The following ITGA11 variants were observed in gnomAD, a reference collection of about 807,000 sequenced individuals.
The protein encoded by ITGA11 is integrin subunit alpha 11, also known as integrin alpha-11.
Under a neutral mutation model 141.9 loss-of-function variants are expected in ITGA11, and 97 were observed. The observed-to-expected ratio is 0.68, with a 90% CI of 0.58 to 0.81. The LOEUF is 0.81. Ranked by LOEUF, ITGA11 falls within the 30% of genes least tolerant of loss-of-function variation. ITGA11 has a pLI of 0.00. For synonymous variants in ITGA11, 658 were observed against 624.6 expected, an observed-to-expected ratio of 1.05 and a Z score of -0.80; for missense variants, 1,387 against 1,559.2, an observed-to-expected ratio of 0.89 and a Z score of 1.86.
intron 4 of ITGA11, 59 bp from the exon 5 acceptor site, chr15:68,361,763 C>A: frequency 1.6e-6 from 2 of 1,230,866 alleles, no homozygotes; most frequent in South Asian, 1.3e-5. Context: ...GATCGAGGTC[C>A]AATGGCCTGA....
At chr15:68,362,828 A>T (rs2140350800) in intron 4 of ITGA11, among the ~76,000 whole-genome samples, 1 of 152,102 alleles carries the variant, frequency 6.6e-6, no homozygotes, top group Non-Finnish European at 1.5e-5. Flanking sequence ...TGGATGAATT[A>T]GTGGATGGAT....
At chr15:68,315,833 C>T in intron 21 of ITGA11, 106 bp from the exon 22 acceptor site, 1 of 925,558 alleles carries the variant, frequency 1.1e-6, no homozygotes, top group Non-Finnish European at 1.6e-6. Context: ...AGGGAGCTTG[C>T]TGGGGGTTGG....
At chr15:68,422,716 CGGCATCCTGCCCACCAAACCTCAGGCAGT>C (rs993547740) in intron 1 of ITGA11, among the ~76,000 whole-genome samples, 2 of 152,190 alleles carry the variant, frequency 1.3e-5, no homozygotes, top group African/African-American at 4.8e-5. Context: ...GCACACACTC[CGGCATCCTGCCCACCAAACCTCAGGCAGT>C]TTACCCAGGT....
intron 14 of ITGA11, 106 bp downstream of exon 14, chr15:68,331,753 A>G: frequency 1.0e-6 from 1 of 976,328 alleles, no homozygotes; most frequent in Non-Finnish European, 1.6e-6. Flanking sequence ...TTTCTGTGAG[A>G]GGGCCTGGAA....
chr15:68,413,358 T>C (rs898577), intron 1 of ITGA11, among the ~76,000 whole-genome samples: 133,109 of 152,212 alleles, frequency 0.87, 59,031 homozygotes, highest in Non-Finnish European at 0.94. Flanking sequence ...GTCCCCTCTA[T>C]GGCCCTTCAG....
chr15:68,419,330 G>C (rs1465131294), intron 1 of ITGA11, among the ~76,000 whole-genome samples: 1 of 152,196 alleles, frequency 6.6e-6, no homozygotes, highest in Non-Finnish European at 1.5e-5. Context: ...GACTCCATCT[G>C]CCTTTGCTAG....
At chr15:68,352,738 T>C (rs1192744074) in intron 7 of ITGA11, among the ~76,000 whole-genome samples, 1 of 152,228 alleles carries the variant, frequency 6.6e-6, no homozygotes, top group Non-Finnish European at 1.5e-5. Flanking sequence ...TTGTTTTCAG[T>C]GCCCAGAGCA....
intron 10 of ITGA11, 82 bp downstream of exon 10, chr15:68,348,748 C>A: frequency 8.0e-7 from 1 of 1,245,534 alleles, no homozygotes; most frequent in Non-Finnish European, 1.2e-6. Flanking sequence ...AGGTGGATGA[C>A]AGATCCAGAG....
intron 1 of ITGA11, among the ~76,000 whole-genome samples, chr15:68,418,741 C>T (rs1353121079): frequency 6.6e-6 from 1 of 151,846 alleles, no homozygotes; most frequent in Non-Finnish European, 1.5e-5. Context: ...GACAGTGAGT[C>T]CCTCCCTTTC....
chr15:68,341,053 C>G (rs372901821), intron 10 of ITGA11, among the ~76,000 whole-genome samples: 1 of 152,172 alleles, frequency 6.6e-6, no homozygotes, highest in Admixed American at 6.5e-5. Flanking sequence ...AGATTCCCAC[C>G]GCTTTACAGA....
chr15:68,430,048 A>G (rs563510541), intron 1 of ITGA11, among the ~76,000 whole-genome samples: 1 of 152,288 alleles, frequency 6.6e-6, no homozygotes, highest in African/African-American at 2.4e-5. Context: ...CACACACGCT[A>G]GGGCCCCACC....
chr15:68,325,325 T>C lies in ITGA11; in HGVS notation c.2212-84A>G. 1.1e-6 allele frequency: 1 copy of C among 921,910 alleles called. No individual in the cohort carries two copies. The highest frequency in any genetic ancestry group is 1.8e-6 in the Non-Finnish European group (1 of 564,424). 57.1% of individuals were successfully genotyped at this position (921,910 alleles called of 1,614,324 possible). Reference sequence around the variant, plus strand: ...GGACCGTGGATGCTGAGATAGAACTTCCACCTTCCTTAGATGGCAGGGCAG... The same window carrying C: ...GGACCGTGGATGCTGAGATAGAACTCCCACCTTCCTTAGATGGCAGGGCAG... On this transcript the variant is annotated intron_variant, in intron 17 of 29. Transcript: ENST00000315757. This position sits in a 1 kb window ranked among gnomAD's most constrained non-coding sequence, Gnocchi z 5.5.
chr15:68,378,217 G>A (rs1293989310), intron 2 of ITGA11, among the ~76,000 whole-genome samples: 1 of 152,188 alleles, frequency 6.6e-6, no homozygotes, highest in Non-Finnish European at 1.5e-5. Context: ...GGTGGGCCTG[G>A]TATAGATAGA....
chr15:68,315,813 GC>G, intron 21 of ITGA11, 86 bp from the exon 22 acceptor site: 1 of 1,150,922 alleles, frequency 8.7e-7, no homozygotes, highest in Non-Finnish European at 1.2e-6. Context: ...CCCCCTGCTG[GC>G]TTGGGGAGAG....
chr15:68,321,420 G>A lies in ITGA11; in HGVS notation c.2406C>T (p.Ala802=). ...GGGGGTGGAAGGAGCCAACTCACATGGCCGTGGGCAGGTCACTCCGGGCAT... is the reference window on the plus strand; with the variant it reads ...GGGGGTGGAAGGAGCCAACTCACATAGCCGTGGGCAGGTCACTCCGGGCAT... The part of the protein sequence containing the change: ...VLDARSDLPT[A]MEYCQRVLRK... Residue 802 remains alanine (A), a splice_region_variant and synonymous_variant, in exon 19 of 30, where the codon GCC becomes GCT. Coordinates refer to ENST00000315757, the MANE Select transcript of ITGA11 (RefSeq NM_001004439.2). This position sits in a 1 kb window ranked among gnomAD's most constrained non-coding sequence, Gnocchi z 4.9. 1 of 1,568,584 alleles carries A rather than the reference G, an allele frequency of 6.4e-7. No homozygotes were observed. The highest frequency in any genetic ancestry group is 8.7e-7 in the Non-Finnish European group (1 of 1,155,696).
intron 2 of ITGA11, among the ~76,000 whole-genome samples, chr15:68,401,176 G>C (rs779370203): frequency 6.6e-6 from 1 of 151,230 alleles, no homozygotes; most frequent in Non-Finnish European, 1.5e-5. Flanking sequence ...CACACAACTA[G>C]AATGACTAAA....
chr15:68,320,418 T>A, intron 19 of ITGA11, 26 bp from the exon 20 acceptor site: 1 of 1,549,266 alleles, frequency 6.5e-7, no homozygotes, highest in African/African-American at 1.4e-5. Flanking sequence ...CACCAGAGAC[T>A]GGGCAGATGG....
intron 1 of ITGA11, among the ~76,000 whole-genome samples, chr15:68,422,764 T>C (rs916457965): frequency 6.6e-6 from 1 of 152,170 alleles, no homozygotes; most frequent in African/African-American, 2.4e-5. Flanking sequence ...GTGAACTCTC[T>C]CCCTAACCCT....
chr15:68,372,055 C>G (rs1895605142), intron 2 of ITGA11, among the ~76,000 whole-genome samples: 1 of 152,094 alleles, frequency 6.6e-6, no homozygotes. Flanking sequence ...GGGAGCTGAC[C>G]CAGCCCCACA....
Sources: gnomAD v4.1 joint callset for allele counts (sites outside exome capture counted in the v4.1 genomes callset) on GRCh38, gnomAD v4.1.1 for gene constraint, Gnocchi (gnomAD v3.1) non-coding constraint, MANE v1.5 for transcripts, NCBI Gene and HGNC (gene_info 2026-07-23, HGNC 2026-07-21) for gene names.